Variants in SDK2 observed in about 807,000 individuals in gnomAD.
The protein encoded by SDK2 is sidekick cell adhesion molecule 2.
In SDK2, 105 loss-of-function variants were observed where a neutral mutation model predicts 253.9. That is an observed-to-expected ratio of 0.41 (90% confidence interval 0.35 to 0.49). The LOEUF (loss-of-function observed/expected upper bound fraction) is 0.49. Ranked by LOEUF, SDK2 falls within the 20% of genes least tolerant of loss-of-function variation. SDK2 has a pLI of 0.06. For synonymous variants in SDK2, 1,249 were observed against 1,234.9 expected, an observed-to-expected ratio of 1.01 and a Z score of -0.24; for missense variants, 2,608 against 3,003.0, an observed-to-expected ratio of 0.87 and a Z score of 3.07.
intron 43 of SDK2, 28 bp downstream of exon 43, chr17:73,350,209 C>A: frequency 2.6e-6 from 4 of 1,529,012 alleles, no homozygotes; most frequent in Non-Finnish European, 3.5e-6. Context: ...CTGGGCCTGG[C>A]CCCCAACCCA....
intron 2 of SDK2, among the ~76,000 whole-genome samples, chr17:73,502,084 TACACACACACACACAC>T: frequency 3.8e-5 from 1 of 26,542 alleles, no homozygotes; most frequent in African/African-American, 1.1e-4. Context: ...GTAGTGCACA[TACACACACACACACAC>T]ACACACACAC....
intron 1 of SDK2, among the ~76,000 whole-genome samples, chr17:73,591,707 A>G (rs1041568596): frequency 2.0e-5 from 3 of 152,174 alleles, no homozygotes; most frequent in Admixed American, 6.5e-5. Context: ...GAACTAGGAC[A>G]TGGCATGGCG....
rs1311111505 is a variant in SDK2 at position 73,416,085 on chromosome 17, C to T, written c.2187-93G>A. Reference sequence around the variant, plus strand: ...TCCAGAGCAGCGCTGTCCAATAGGACTTCCGGTGGTGGCGGAAGTGCTCTG... The same window carrying T: ...TCCAGAGCAGCGCTGTCCAATAGGATTTCCGGTGGTGGCGGAAGTGCTCTG... On this transcript the variant is annotated intron_variant, in intron 16 of 44. Coordinates refer to ENST00000392650, the MANE Select transcript of SDK2 (RefSeq NM_001144952.2). The T allele has an allele frequency of 1.3e-5, 16 of 1,206,086 alleles. No homozygotes were observed. The South Asian group carries it at 2.3e-4, about 18-fold the overall frequency. The allele number at this position is 1,206,086 out of a possible 1,614,324, so 74.7% of individuals were successfully genotyped here.
chr17:73,624,839 G>T (rs1225033090), intron 1 of SDK2, among the ~76,000 whole-genome samples: 1 of 152,182 alleles, frequency 6.6e-6, no homozygotes, highest in Non-Finnish European at 1.5e-5. Context: ...ACTAGGAGGA[G>T]TGGTTATTGA....
chr17:73,524,354 C>T (rs1033954536), intron 1 of SDK2, among the ~76,000 whole-genome samples: 2 of 152,218 alleles, frequency 1.3e-5, no homozygotes, highest in African/African-American at 4.8e-5. Context: ...CCCCCGCCCG[C>T]CCCGGCCATT....
chr17:73,352,647 C>A lies in SDK2; in HGVS notation c.5594-10G>T. 3 of 1,613,214 alleles carry A rather than the reference C, an allele frequency of 1.9e-6. No individual in the cohort carries two copies. Among genetic ancestry groups the A allele is most frequent in the Non-Finnish European group, 2.5e-6 (3 of 1,179,252 alleles). ...TCCCATAGTCCCTCGTCTGCAGGAGCACAGAGATGGAGGCCCTGGGAGGTG... is the reference window on the plus strand; with the variant it reads ...TCCCATAGTCCCTCGTCTGCAGGAGAACAGAGATGGAGGCCCTGGGAGGTG... On this transcript the variant is annotated splice_polypyrimidine_tract_variant and intron_variant, in intron 40 of 44. Transcript: ENST00000392650. This position sits in a 1 kb window ranked among gnomAD's most constrained non-coding sequence, Gnocchi z 4.1.
rs1829707891 is a variant in SDK2, at chr17:73,534,781, G to A, written c.65-27184C>T. Among the ~76,000 whole-genome samples the A allele has an allele frequency of 6.6e-6, 1 of 152,132 alleles. No individual in the cohort carries two copies. Among genetic ancestry groups the A allele is most frequent in the South Asian group, 2.1e-4 (1 of 4,822 alleles). ...TCTTCCTCTCATCTAGGGGAAAGCG[G>A]CTTCTATTACCTAAACTCCCCTTCT... On this transcript the variant is annotated intron_variant, in intron 1 of 44. Transcript: ENST00000392650. This position sits in a 1 kb window ranked among gnomAD's most constrained non-coding sequence, Gnocchi z 4.9.
At chr17:73,631,974 G>T (rs1269807528) in intron 1 of SDK2, among the ~76,000 whole-genome samples, 1 of 152,174 alleles carries the variant, frequency 6.6e-6, no homozygotes, top group East Asian at 1.9e-4. Context: ...AGGTGGGAGG[G>T]TCCAAGACAG....
At chr17:73,597,649 C>CTT (rs762635491) in intron 1 of SDK2, among the ~76,000 whole-genome samples, 125 of 142,454 alleles carry the variant, frequency 8.8e-4, no homozygotes, top group African/African-American at 1.6e-3. Flanking sequence ...ATTTTCTTTT[C>CTT]TTTTTTTTTT....
chr17:73,373,008 T>G (rs962969324), intron 36 of SDK2, among the ~76,000 whole-genome samples: 2 of 152,220 alleles, frequency 1.3e-5, no homozygotes, highest in Admixed American at 1.3e-4. Flanking sequence ...CGCTGTATCC[T>G]GGGACCTTCT....
intron 36 of SDK2, among the ~76,000 whole-genome samples, chr17:73,372,008 T>C (rs1448267368): frequency 2.0e-5 from 3 of 150,420 alleles, no homozygotes; most frequent in Admixed American, 6.6e-5. Flanking sequence ...AGGAAACATA[T>C]CTCAGAATGC....
intron 1 of SDK2, among the ~76,000 whole-genome samples, chr17:73,598,267 G>A (rs1212411972): frequency 6.6e-6 from 1 of 152,154 alleles, no homozygotes; most frequent in African/African-American, 2.4e-5. Context: ...TGGGAGACTC[G>A]GTGTGGGGCG....
chr17:73,596,556 G>A (rs2045761291), intron 1 of SDK2, among the ~76,000 whole-genome samples: 1 of 152,186 alleles, frequency 6.6e-6, no homozygotes, highest in Non-Finnish European at 1.5e-5. Flanking sequence ...CCCAGCCTCT[G>A]AAAGGGGGCG....
At chr17:73,409,663 G>A (rs998247236) in intron 18 of SDK2, among the ~76,000 whole-genome samples, 8 of 151,792 alleles carry the variant, frequency 5.3e-5, no homozygotes, top group African/African-American at 1.9e-4. Context: ...ACACAAAAGG[G>A]GAAAAATGCT....
intron 3 of SDK2, among the ~76,000 whole-genome samples, chr17:73,463,585 GC>G (rs1286299430): frequency 6.6e-6 from 1 of 152,034 alleles, no homozygotes; most frequent in Non-Finnish European, 1.5e-5. Context: ...ATGTGCCTTT[GC>G]TTTCCTTTCA....
In SDK2 at chr17:73,431,439, C is replaced by A; in HGVS notation, c.1480+63G>T. 6.7e-7 allele frequency: 1 copy of A among 1,496,318 alleles called. No individual in the cohort carries two copies. The highest frequency in any genetic ancestry group is 1.3e-5 in the South Asian group (1 of 77,874). The allele number at this position is 1,496,318 out of a possible 1,614,324, so 92.7% of individuals were successfully genotyped here. A position where few individuals can be genotyped will look rare whatever the true frequency, so the allele number is the denominator to read the frequency against. On this transcript the variant is annotated intron_variant, in intron 11 of 44. Transcript: ENST00000392650. The surrounding 1 kb of genome is among the most constrained non-coding windows in gnomAD (Gnocchi z 5.6). ...CCCCGTAGCTGTCCTGAGTCCTCAG[C>A]ACCTACAGGGATGTACACACGCACA...
At chr17:73,488,894 G>A (rs1290680657) in intron 2 of SDK2, among the ~76,000 whole-genome samples, 3 of 151,978 alleles carry the variant, frequency 2.0e-5, no homozygotes, top group Non-Finnish European at 2.9e-5. Context: ...GTTTGGCATA[G>A]CATGGTGATT....
chr17:73,511,803 G>C lies in SDK2; in HGVS notation c.65-4206C>G, dbSNP rs1215951639. ...GTCTGAAAGCAAGAGATGGCAGGGG[G>C]CTGGCAGGGTGTGTGCTGTAGGAAG... On this transcript the variant is annotated intron_variant, in intron 1 of 44. Transcript: ENST00000392650. The surrounding 1 kb of genome is among the most constrained non-coding windows in gnomAD (Gnocchi z 4.9). 1.3e-5 allele frequency among the ~76,000 whole-genome samples: 2 copies of C among 152,218 alleles called. No individual in the cohort carries two copies. Among genetic ancestry groups the C allele is most frequent in the African/African-American group, 4.8e-5 (2 of 41,450 alleles).
rs569308008 is a variant in SDK2 at position 73,364,066 on chromosome 17, G to T, written c.5305+1192C>A. On this transcript the variant is annotated intron_variant, in intron 38 of 44. Coordinates refer to ENST00000392650, the MANE Select transcript of SDK2 (RefSeq NM_001144952.2). ...TTGCCAGGCTCCGTGATTGGAGGGG[G>T]TGAGAGTGAGAGGGGTGGCTCCAGA... Among the ~76,000 whole-genome samples, 4 of 152,088 alleles carry T rather than the reference G, an allele frequency of 2.6e-5. No homozygotes were observed. In the East Asian group the frequency reaches 7.8e-4, roughly 29 times the overall value.
Sources: allele counts gnomAD v4.1 joint callset (sites outside exome capture counted in the v4.1 genomes callset), GRCh38; gene constraint gnomAD v4.1.1; non-coding constraint Gnocchi (gnomAD v3.1); transcripts MANE v1.5; gene names NCBI Gene and HGNC (gene_info 2026-07-23, HGNC 2026-07-21).